WDFY3: variants seen among roughly 807,000 people sequenced by gnomAD.
WDFY3 encodes the protein WD repeat and FYVE domain containing 3, also known as WD repeat and FYVE domain-containing protein 3.
In WDFY3, 66 loss-of-function variants were observed where a neutral mutation model predicts 409.6. The observed-to-expected ratio is 0.16, with a 90% CI of 0.13 to 0.20. The LOEUF (loss-of-function observed/expected upper bound fraction) is 0.20, where lower values mean the gene tolerates loss of function less well. Ranked by LOEUF, WDFY3 falls within the 10% of genes least tolerant of loss-of-function variation. WDFY3 has a pLI of 1.00. For missense variants in WDFY3, 3,031 were observed against 4,298.1 expected, an observed-to-expected ratio of 0.71 and a Z score of 8.24; for synonymous variants, 1,521 against 1,537.1, an observed-to-expected ratio of 0.99 and a Z score of 0.25.
intron 2 of WDFY3, among the ~76,000 whole-genome samples, chr4:84,912,760 C>T (rs1423370650): frequency 6.6e-6 from 1 of 151,820 alleles, no homozygotes; most frequent in African/African-American, 2.4e-5. Context: ...AAAGAAAAAA[C>T]AAAGCTTACC....
intron 5 of WDFY3, among the ~76,000 whole-genome samples, chr4:84,843,656 C>T (rs1757689614): frequency 6.6e-6 from 1 of 152,158 alleles, no homozygotes; most frequent in East Asian, 1.9e-4. Context: ...GTCTTGGTTT[C>T]CCAAACTACT....
chr4:84,754,007 CAT>C, intron 34 of WDFY3, 131 bp from the exon 35 acceptor site: 1 of 1,006,894 alleles, frequency 9.9e-7, no homozygotes, highest in Non-Finnish European at 1.3e-6. Context: ...GTAAACCACA[CAT>C]ATGAGCAAAC....
chr4:84,922,755 AC>A (rs1769455544), intron 2 of WDFY3, among the ~76,000 whole-genome samples: 1 of 151,852 alleles, frequency 6.6e-6, no homozygotes, highest in Non-Finnish European at 1.5e-5. Context: ...AGCCTCTTTG[AC>A]TCAAGGGATC....
At chr4:84,741,971 C>A in intron 37 of WDFY3, 50 bp from the exon 38 acceptor site, 1 of 1,494,968 alleles carries the variant, frequency 6.7e-7, no homozygotes, top group East Asian at 2.3e-5. Flanking sequence ...TCTACCAACA[C>A]AGGACCAGAT....
chr4:84,929,316 G>A (rs753514802), intron 2 of WDFY3, among the ~76,000 whole-genome samples: 1 of 152,176 alleles, frequency 6.6e-6, no homozygotes, highest in African/African-American at 2.4e-5. Context: ...AGGCCTAGCA[G>A]ATATGTTAGG....
intron 1 of WDFY3, among the ~76,000 whole-genome samples, chr4:84,941,092 CT>C (rs1260806011): frequency 6.6e-6 from 1 of 151,854 alleles, no homozygotes; most frequent in African/African-American, 2.4e-5. Context: ...AATGCTTTCT[CT>C]TTTTAACATA....
At chr4:84,711,580 C>G (rs906583807) in intron 51 of WDFY3, among the ~76,000 whole-genome samples, 1 of 152,078 alleles carries the variant, frequency 6.6e-6, no homozygotes, top group African/African-American at 2.4e-5. Context: ...AGGCCAGGCG[C>G]AGGGGCTCAT....
Position 84,860,436 on chromosome 4 carries a change from A to G in WDFY3, c.156T>C (p.Tyr52=), listed in dbSNP as rs200363006. The G allele has an allele frequency of 6.2e-7, 1 of 1,613,966 alleles. No homozygotes were observed. Among genetic ancestry groups the G allele is most frequent in the East Asian group, 2.2e-5 (1 of 44,856 alleles). ...CCCTGTTAAACACTGGCAGCATCATATACAGTTTCTCTTCTTGTTCCTTCT... is the reference window on the plus strand; with the variant it reads ...CCCTGTTAAACACTGGCAGCATCATGTACAGTTTCTCTTCTTGTTCCTTCT... The part of the protein sequence containing the change: ...MTQKEQEEKL[Y]MMLPVFNRVF... The change falls in exon 4 of 68, where the codon TAT becomes TAC. Residue 52 remains tyrosine, a synonymous_variant. Transcript: ENST00000295888.
At chr4:84,810,800 G>C (rs1752363049) in intron 13 of WDFY3, among the ~76,000 whole-genome samples, 1 of 152,188 alleles carries the variant, frequency 6.6e-6, no homozygotes, top group South Asian at 2.1e-4. Context: ...CACATAAAGT[G>C]ACCATATTCA....
At chr4:84,885,543 A>C (rs565611738) in intron 3 of WDFY3, among the ~76,000 whole-genome samples, 66 of 152,282 alleles carry the variant, frequency 4.3e-4, no homozygotes, top group African/African-American at 1.5e-3. Context: ...TCCAAAACTG[A>C]CAAGAATTAG....
intron 13 of WDFY3, among the ~76,000 whole-genome samples, chr4:84,816,287 C>A (rs1753284931): frequency 6.6e-6 from 1 of 152,080 alleles, no homozygotes; most frequent in South Asian, 2.1e-4. Context: ...AAAGAGAAGG[C>A]TATGTCTCTT....
chr4:84,804,253 G>A, intron 15 of WDFY3: 1 of 152,168 alleles, frequency 6.6e-6, no homozygotes, highest in Non-Finnish European at 1.5e-5. Flanking sequence ...CTAAGAAACA[G>A]ATGCTTGTGG....
intron 2 of WDFY3, among the ~76,000 whole-genome samples, chr4:84,899,084 T>C (rs1766013024): frequency 6.6e-6 from 1 of 152,240 alleles, no homozygotes; most frequent in Non-Finnish European, 1.5e-5. Context: ...TACGATCAAC[T>C]GTCTAATTGA....
rs149429574 is a variant in WDFY3 at position 84,683,898 on chromosome 4, T to C, written c.9726+45A>G. ...AATTAGCTACAAGTTTCTGGTAAAC[T>C]AGGATGACAAATATCCTAATGAGTT... is the stretch of plus-strand genomic sequence containing the variant. On this transcript the variant is annotated intron_variant, in intron 63 of 67. Coordinates refer to ENST00000295888, the MANE Select transcript of WDFY3 (RefSeq NM_014991.6). 971 of 1,532,032 alleles carry C rather than the reference T, an allele frequency of 6.3e-4. 7 individuals carry two copies. In the African/African-American group the frequency reaches 0.012, roughly 19 times the overall value. The allele number at this position is 1,532,032 out of a possible 1,614,324, so 94.9% of individuals were successfully genotyped here. A position where few individuals can be genotyped will look rare whatever the true frequency, so the allele number is the denominator to read the frequency against.
At position 84,671,681 on chromosome 4, in the gene WDFY3, A is replaced by C. The variant is rs1725463910; in HGVS notation, c.*1187T>G. On this transcript the variant is annotated 3_prime_UTR_variant, in exon 68 of 68. Coordinates refer to ENST00000295888, the MANE Select transcript of WDFY3 (RefSeq NM_014991.6). ...CTGTAATTATATTCATAGCAAAAACAAAAAAATAGACATTGATACAGTATA... is the reference window on the plus strand; with the variant it reads ...CTGTAATTATATTCATAGCAAAAACCAAAAAATAGACATTGATACAGTATA... 6.6e-6 allele frequency: 1 copy of C among 152,494 alleles called. No individual in the cohort carries two copies. Among genetic ancestry groups the C allele is most frequent in the African/African-American group, 2.4e-5 (1 of 41,420 alleles). The allele number at this position is 152,494 out of a possible 1,614,324, so 9.4% of individuals were successfully genotyped here.
At position 84,669,997 on chromosome 4, in the gene WDFY3, C is replaced by T. The variant is rs1293104354; in HGVS notation, c.*2871G>A. On this transcript the variant is annotated 3_prime_UTR_variant, in exon 68 of 68. Transcript: ENST00000295888. ...TTTAACGGCATAAATATTTTATACA[C>T]AGTTCATTTACCAAAACAAAATGTA... 2.0e-5 allele frequency: 3 copies of T among 152,594 alleles called. No homozygotes were observed. Among genetic ancestry groups the T allele is most frequent in the Admixed American group, 1.3e-4 (2 of 15,282 alleles). The allele number at this position is 152,594 out of a possible 1,614,324, so 9.5% of individuals were successfully genotyped here.
chr4:84,714,389 C>T (rs775529577), intron 50 of WDFY3, among the ~76,000 whole-genome samples: 16 of 152,242 alleles, frequency 1.1e-4, no homozygotes, highest in Admixed American at 5.9e-4. Flanking sequence ...AGAATATGAG[C>T]GTGAGCCATT....
chr4:84,857,779 A>T (rs920672635), intron 4 of WDFY3, among the ~76,000 whole-genome samples: 1 of 152,152 alleles, frequency 6.6e-6, no homozygotes, highest in Admixed American at 6.5e-5. Flanking sequence ...TTATTTCATA[A>T]GTAAGGAAAT....
intron 32 of WDFY3, among the ~76,000 whole-genome samples, chr4:84,760,075 T>C (rs1742254587): frequency 6.6e-6 from 1 of 151,602 alleles, no homozygotes; most frequent in South Asian, 2.1e-4. Flanking sequence ...GTGGTTTTTG[T>C]CTTTGGTTCT....
Sources: gnomAD v4.1 joint callset for allele counts (sites outside exome capture counted in the v4.1 genomes callset) on GRCh38, gnomAD v4.1.1 for gene constraint, MANE v1.5 for transcripts, NCBI Gene and HGNC (gene_info 2026-07-23, HGNC 2026-07-21) for gene names.